The following GSE1 variants were observed in gnomAD, a reference collection of about 807,000 sequenced individuals.
The protein encoded by GSE1 is Gse1 coiled-coil protein, also known as genetic suppressor element 1.
In GSE1, 32 loss-of-function variants were observed where a neutral mutation model predicts 112.6. The ratio of observed to expected loss-of-function variants is 0.28; its 90% CI spans 0.21 to 0.38. The LOEUF (loss-of-function observed/expected upper bound fraction) is 0.38. GSE1 is among the 10% of genes least tolerant of loss of function. The pLI, the probability that GSE1 is intolerant of heterozygous loss-of-function variation, is 1.00. For synonymous variants in GSE1, 1,115 were observed against 735.6 expected, an observed-to-expected ratio of 1.52 and a Z score of -8.35; for missense variants, 2,348 against 1,699.2, an observed-to-expected ratio of 1.38 and a Z score of -6.71.
At chr16:85,509,703 G>A (rs539267528) in intron 2 of GSE1, among the ~76,000 whole-genome samples, 6 of 152,362 alleles carry the variant, frequency 3.9e-5, no homozygotes, top group South Asian at 2.1e-4. Flanking sequence ...GGTGGGAGAC[G>A]TGTGTGCTGT....
intron 1 of GSE1, among the ~76,000 whole-genome samples, chr16:85,215,093 C>T (rs2075286801): frequency 6.6e-6 from 1 of 152,180 alleles, no homozygotes; most frequent in Admixed American, 6.5e-5. Context: ...CTGACACAGG[C>T]TACACAGACA....
chr16:85,320,791 T>A (rs1302425264), intron 1 of GSE1, among the ~76,000 whole-genome samples: 1 of 152,186 alleles, frequency 6.6e-6, no homozygotes, highest in African/African-American at 2.4e-5. Context: ...CCCCATGTCC[T>A]TTCTCCCCAC....
chr16:85,486,698 C>T (rs1033941394), intron 2 of GSE1, among the ~76,000 whole-genome samples: 6 of 152,284 alleles, frequency 3.9e-5, no homozygotes, highest in South Asian at 2.1e-4. Context: ...TCTCTCCTGC[C>T]GCCTCCAGCA....
intron 1 of GSE1, among the ~76,000 whole-genome samples, chr16:85,560,417 C>G (rs1268332471): frequency 3.3e-5 from 5 of 152,148 alleles, no homozygotes; most frequent in African/African-American, 1.2e-4. Flanking sequence ...GCCACCGCAC[C>G]TGGCCAAGTC....
At chr16:85,586,601 G>T (rs1294173149) in intron 1 of GSE1, among the ~76,000 whole-genome samples, 1 of 152,320 alleles carries the variant, frequency 6.6e-6, no homozygotes, top group East Asian at 1.9e-4. Context: ...AGTCGCAGCT[G>T]CTCCTACAAC....
intron 1 of GSE1, among the ~76,000 whole-genome samples, chr16:85,220,971 CT>C (rs1482339578): frequency 1.3e-5 from 2 of 150,806 alleles, no homozygotes; most frequent in Non-Finnish European, 3.0e-5. Flanking sequence ...CCCTCTCCCC[CT>C]CCCTGGCCCA....
intron 1 of GSE1, among the ~76,000 whole-genome samples, chr16:85,182,540 A>C (rs1193354975): frequency 6.6e-6 from 1 of 152,192 alleles, no homozygotes; most frequent in Non-Finnish European, 1.5e-5. Flanking sequence ...GTTTGGGGTC[A>C]GTGCAGGGTC....
intron 1 of GSE1, among the ~76,000 whole-genome samples, chr16:85,219,122 C>T (rs1319243849): frequency 1.3e-5 from 2 of 152,182 alleles, no homozygotes; most frequent in Non-Finnish European, 1.5e-5. Flanking sequence ...TCATGATCCG[C>T]CCACCTCAGC....
At chr16:85,395,179 A>G (rs1175988638) in intron 2 of GSE1, among the ~76,000 whole-genome samples, 5 of 152,070 alleles carry the variant, frequency 3.3e-5, no homozygotes, top group African/African-American at 7.2e-5. Context: ...ATGCCAGGCT[A>G]TTGGCTTCTC....
At chr16:85,221,134 C>T (rs1030064503) in intron 1 of GSE1, among the ~76,000 whole-genome samples, 15 of 152,026 alleles carry the variant, frequency 9.9e-5, no homozygotes, top group African/African-American at 2.4e-4. Context: ...GTGCAGCCCC[C>T]GCCCAGAGGC....
chr16:85,174,980 G>A (rs116462429), intron 1 of GSE1, among the ~76,000 whole-genome samples: 211 of 152,320 alleles, frequency 1.4e-3, no homozygotes, highest in African/African-American at 4.8e-3. Flanking sequence ...AGTTAGCTGC[G>A]GGGAAGCCAC....
chr16:85,178,925 G>A (rs1197942232), intron 1 of GSE1, among the ~76,000 whole-genome samples: 2 of 152,022 alleles, frequency 1.3e-5, no homozygotes, highest in South Asian at 2.1e-4. Context: ...AGCAGCGGGC[G>A]GGGACCCGTC....
At chr16:85,531,268 C>T (rs993528938) in intron 2 of GSE1, among the ~76,000 whole-genome samples, 3 of 152,174 alleles carry the variant, frequency 2.0e-5, no homozygotes, top group South Asian at 2.1e-4. Context: ...ACCCATCTGT[C>T]CTGTGTCCTG....
chr16:85,389,561 C>G (rs988960625), intron 2 of GSE1, among the ~76,000 whole-genome samples: 6 of 152,040 alleles, frequency 3.9e-5, no homozygotes, highest in Non-Finnish European at 7.4e-5. Context: ...TGGTGCAAAC[C>G]AGGATGTGCA....
intron 2 of GSE1, among the ~76,000 whole-genome samples, chr16:85,517,033 A>G (rs988026441): frequency 1.3e-5 from 2 of 152,134 alleles, no homozygotes; most frequent in Non-Finnish European, 2.9e-5. Flanking sequence ...TCCTGATCTC[A>G]TGATCCAGCC....
At chr16:85,636,765 C>T (rs1476553517) in intron 2 of GSE1, among the ~76,000 whole-genome samples, 1 of 152,216 alleles carries the variant, frequency 6.6e-6, no homozygotes, top group Non-Finnish European at 1.5e-5. Context: ...AAAGGAAGCC[C>T]CCCTCACCCC....
Position 85,260,611 on chromosome 16 carries a change from C to T in GSE1, c.2283+88804C>T, listed in dbSNP as rs566701797. The stretch of plus-strand genomic sequence containing the variant: ...GTGCTGGGATTATAGGCATGAGCCA[C>T]CGCACCCAGCCAGGTCAAACATTTC... On this transcript the variant is annotated intron_variant, in intron 1 of 2. Coordinates refer to the GSE1 transcript ENST00000637419. Among the ~76,000 whole-genome samples the T allele has an allele frequency of 3.3e-5, 5 of 152,326 alleles. No homozygotes were observed. In the South Asian group the frequency reaches 8.3e-4, roughly 25 times the overall value.
At chr16:85,300,417 C>G (rs1346337516) in intron 1 of GSE1, among the ~76,000 whole-genome samples, 1 of 152,234 alleles carries the variant, frequency 6.6e-6, no homozygotes, top group Non-Finnish European at 1.5e-5. Flanking sequence ...TCTTCCCAAA[C>G]AGAAATTCTG....
At chr16:85,633,749 T>G (rs2049747295) in intron 1 of GSE1, among the ~76,000 whole-genome samples, 165 bp from the exon 2 acceptor site, 1 of 152,150 alleles carries the variant, frequency 6.6e-6, no homozygotes, top group Admixed American at 6.5e-5. Flanking sequence ...GGGTCTGTTC[T>G]CTCTGCAGCG....
Sources: gnomAD v4.1 joint callset for allele counts (sites outside exome capture counted in the v4.1 genomes callset) on GRCh38, gnomAD v4.1.1 for gene constraint, MANE v1.5 for transcripts, NCBI Gene and HGNC (gene_info 2026-07-23, HGNC 2026-07-21) for gene names.